CPLANE2: variants seen among roughly 807,000 people sequenced by gnomAD.
The protein encoded by CPLANE2 is ciliogenesis and planar polarity effector complex subunit 2, also known as ciliogenesis and planar polarity effector 2.
Under a neutral mutation model 20.9 loss-of-function variants are expected in CPLANE2, and 24 were observed. The ratio of observed to expected loss-of-function variants is 1.15; its 90% CI spans 0.83 to 1.61. The LOEUF (loss-of-function observed/expected upper bound fraction) is 1.61, where lower values mean the gene tolerates loss of function less well. Among genes scored for constraint, CPLANE2 ranks in the 40% most tolerant of loss-of-function variants. The pLI is 0.00. For synonymous variants in CPLANE2, 132 were observed against 144.3 expected, an observed-to-expected ratio of 0.92 and a Z score of 0.61; for missense variants, 330 against 355.1, an observed-to-expected ratio of 0.93 and a Z score of 0.57.
Position 16,233,501 on chromosome 1 carries a change from G to A in CPLANE2, c.265+111C>T, listed in dbSNP as rs1016968619. ...AAGGAGCCCATGTAGGCTCAGAGAC[G>A]TGAAGTGACTTTCCAAGGCTACAGA... On this transcript the variant is annotated intron_variant, in intron 2 of 4. Transcript: ENST00000375599. 111 of 1,300,864 alleles carry A rather than the reference G, an allele frequency of 8.5e-5. 1 individual carries two copies. The South Asian group carries it at 1.0e-3, about 12-fold the overall frequency. The allele number at this position is 1,300,864 out of a possible 1,614,324, so 80.6% of individuals were successfully genotyped here. A position where few individuals can be genotyped will look rare whatever the true frequency, so the allele number is the denominator to read the frequency against.
Position 16,232,975 on chromosome 1 carries a change from G to A in CPLANE2, c.308C>T (p.Ala103Val), listed in dbSNP as rs1404922058. ...ACGAAACATGACGACACGGCTGCTG[G>A]CCTGCAGCTTGGCTGGCCAAAATAC... is the stretch of plus-strand genomic sequence containing the variant. ...TVVFWPAKLQ[A>V]SSRVVMFRFE... is the part of the protein sequence containing the mutation. Residue 103 changes from alanine to valine, a missense_variant, in exon 3 of 5, where the codon GCC becomes GTC. Physicochemically the swap from Ala to Val is moderately conservative, Grantham distance 64. Coordinates refer to ENST00000375599, the MANE Select transcript of CPLANE2 (RefSeq NM_030907.4). 5 of 1,614,188 alleles carry A rather than the reference G, an allele frequency of 3.1e-6. No individual in the cohort carries two copies. The East Asian group carries it at 8.9e-5, about 29-fold the overall frequency.
chr1:16,234,983 C>G (rs2081453095), intron 1 of CPLANE2, among the ~76,000 whole-genome samples: 2 of 152,210 alleles, frequency 1.3e-5, no homozygotes, highest in African/African-American at 2.4e-5. Flanking sequence ...CTCAGCCTCC[C>G]AAAGTGCTGG....
chr1:16,235,800 C>G (rs1457411115), intron 1 of CPLANE2, among the ~76,000 whole-genome samples: 2 of 151,348 alleles, frequency 1.3e-5, no homozygotes, highest in Non-Finnish European at 2.9e-5. Flanking sequence ...CCTGCCTCAG[C>G]CTCCCAAGTA....
At chr1:16,235,573 C>T (rs547601802) in intron 1 of CPLANE2, among the ~76,000 whole-genome samples, 1 of 152,106 alleles carries the variant, frequency 6.6e-6, no homozygotes, top group African/African-American at 2.4e-5. Context: ...AGCCATACAG[C>T]TAGCAGTGGT....
chr1:16,235,681 T>C (rs2081459323), intron 1 of CPLANE2, among the ~76,000 whole-genome samples: 1 of 141,988 alleles, frequency 7.0e-6, no homozygotes, highest in South Asian at 2.2e-4. Context: ...GAGGGTCTTT[T>C]TTTTTTTTTT....
In CPLANE2 at chr1:16,232,217, C is replaced by G; in HGVS notation, c.608G>C (p.Arg203Pro). The G allele has an allele frequency of 6.2e-7, 1 of 1,612,424 alleles. No individual in the cohort carries two copies. Among genetic ancestry groups the G allele is most frequent in the Non-Finnish European group, 8.5e-7 (1 of 1,179,862 alleles). ...CCGCCGCCCCGGCACACTCTTCACC[C>G]GTAGCAGGGGCAGCTCCCAGGCCTG... is the stretch of plus-strand genomic sequence containing the variant. The part of the protein sequence containing the change: ...FRQAWELPLL[R>P]VKSVPGRRLA... Residue 203 changes from arginine to proline, a missense_variant, in exon 5 of 5, where the codon CGG becomes CCG. Coordinates refer to ENST00000375599, the MANE Select transcript of CPLANE2 (RefSeq NM_030907.4).
At position 16,233,029 on chromosome 1, in the gene CPLANE2, C is replaced by T; in HGVS notation, c.266-12G>A. 1 of 1,613,808 alleles carries T rather than the reference C, an allele frequency of 6.2e-7. No homozygotes were observed. The highest frequency in any genetic ancestry group is 8.5e-7 in the Non-Finnish European group (1 of 1,179,862). ...GGTGGTCTGGATGCCTGAGGGGGAG[C>T]CAGGGTCAGCCACTCACCATGGGAG... is the stretch of plus-strand genomic sequence containing the variant. On this transcript the variant is annotated splice_polypyrimidine_tract_variant and intron_variant, in intron 2 of 4. Coordinates refer to ENST00000375599, the MANE Select transcript of CPLANE2 (RefSeq NM_030907.4).
chr1:16,236,694 C>T lies in CPLANE2; in HGVS notation c.49G>A (p.Glu17Lys). 1 of 1,562,458 alleles carries T rather than the reference C, an allele frequency of 6.4e-7. No individual in the cohort carries two copies. Among genetic ancestry groups the T allele is most frequent in the Non-Finnish European group, 8.7e-7 (1 of 1,151,872 alleles). ...AGGTACTCCTTGCCCTCGGCACTCT[C>T]GTGCCAGTTTGGGACAACCACCGAA... ...PGSVVVPNWH[E>K]SAEGKEYLAC... is the part of the protein sequence containing the mutation. The change falls in exon 1 of 5, where the codon GAG becomes AAG. Residue 17 changes from glutamate (E) to lysine (K), a missense_variant. Coordinates refer to ENST00000375599, the MANE Select transcript of CPLANE2 (RefSeq NM_030907.4).
intron 2 of CPLANE2, 85 bp downstream of exon 2, chr1:16,233,527 G>A (rs1256521438): frequency 8.0e-6 from 12 of 1,500,598 alleles, no homozygotes; most frequent in East Asian, 2.3e-5. Context: ...AGGCTACAGA[G>A]TAAGAGGTGG....
At position 16,232,047 on chromosome 1, in the gene CPLANE2, C is replaced by T; in HGVS notation, c.*1G>A. On this transcript the variant is annotated 3_prime_UTR_variant, in exon 5 of 5. Transcript: ENST00000375599. Reference sequence around the variant, plus strand: ...TGGGATCACAGGCAACCACTCGTGACTCATTCAGGAGCACTCTCTGGGGGG... The same window carrying T: ...TGGGATCACAGGCAACCACTCGTGATTCATTCAGGAGCACTCTCTGGGGGG... 1.2e-6 allele frequency: 2 copies of T among 1,611,626 alleles called. No homozygotes were observed. Among genetic ancestry groups the T allele is most frequent in the African/African-American group, 1.3e-5 (1 of 75,028 alleles).
chr1:16,234,236 CA>C (rs199920096), intron 1 of CPLANE2, among the ~76,000 whole-genome samples: 1 of 150,720 alleles, frequency 6.6e-6, no homozygotes, highest in Non-Finnish European at 1.5e-5. Context: ...TCCATCTCTA[CA>C]AAAAAAAATA....
In CPLANE2 at chr1:16,231,832, C is replaced by A. The variant is rs147952902; in HGVS notation, c.*216G>T. ...GGTGCTGCCAAAGGGGGAAAGGCCA[C>A]GGGAGATGTTCGAGCTCAGGGCCTT... is the stretch of plus-strand genomic sequence containing the variant. On this transcript the variant is annotated 3_prime_UTR_variant, in exon 5 of 5. Transcript: ENST00000375599. The A allele has an allele frequency of 6.1e-5, 39 of 644,514 alleles. No homozygotes were observed. Among genetic ancestry groups the A allele is most frequent in the African/African-American group, 4.6e-4 (25 of 54,766 alleles). The allele number at this position is 644,514 out of a possible 1,614,324, so 39.9% of individuals were successfully genotyped here.
chr1:16,232,513 G>A lies in CPLANE2; in HGVS notation c.524C>T (p.Ser175Phe). The A allele has an allele frequency of 1.2e-6, 2 of 1,613,790 alleles. No homozygotes were observed. Among genetic ancestry groups the A allele is most frequent in the Non-Finnish European group, 1.7e-6 (2 of 1,179,836 alleles). The change falls in exon 4 of 5, where the codon TCC (serine) becomes TTC (phenylalanine). Residue 175 changes from serine to phenylalanine, a missense_variant. Coordinates refer to ENST00000375599, the MANE Select transcript of CPLANE2 (RefSeq NM_030907.4). ...GCCAAGGATATCCAAAGGATACTTG[G>A]AGCCGATGACCATCCTGACGACACC... ...APGVVRMVIG[S>F]KFDQYMHTDV...
rs939691432 is a variant in CPLANE2 at position 16,236,615 on chromosome 1, A to C, written c.112+16T>G. On this transcript the variant is annotated intron_variant, in intron 1 of 4. Transcript: ENST00000375599. ...AAAGACAAGTGGCGGGCTAGAGGAA[A>C]GGGGGAGGCACTTACCAAACACCCG... 2 of 1,537,202 alleles carry C rather than the reference A, an allele frequency of 1.3e-6. No homozygotes were observed. Among genetic ancestry groups the C allele is most frequent in the Non-Finnish European group, 1.8e-6 (2 of 1,133,500 alleles).
At chr1:16,234,505 G>T (rs1029634132) in intron 1 of CPLANE2, among the ~76,000 whole-genome samples, 2 of 152,162 alleles carry the variant, frequency 1.3e-5, no homozygotes. Flanking sequence ...CAGATCCTGG[G>T]CTGGACAGTC....
chr1:16,232,674 T>C, intron 3 of CPLANE2, 28 bp from the exon 4 acceptor site: 1 of 1,612,522 alleles, frequency 6.2e-7, no homozygotes, highest in Non-Finnish European at 8.5e-7. Context: ...TATAACCATG[T>C]CACCCCCCAT....
Position 16,232,042 on chromosome 1 carries a change from C to T in CPLANE2, c.*6G>A, listed in dbSNP as rs757589996. 7.4e-5 allele frequency: 120 copies of T among 1,610,788 alleles called. 1 individual carries two copies. The highest frequency in any genetic ancestry group is 3.0e-5 in the Non-Finnish European group (35 of 1,178,574). Reference sequence around the variant, plus strand: ...GGGGGTGGGATCACAGGCAACCACTCGTGACTCATTCAGGAGCACTCTCTG... The same window carrying T: ...GGGGGTGGGATCACAGGCAACCACTTGTGACTCATTCAGGAGCACTCTCTG... On this transcript the variant is annotated 3_prime_UTR_variant, in exon 5 of 5. Transcript: ENST00000375599.
At position 16,232,919 on chromosome 1, in the gene CPLANE2, G is replaced by A; in HGVS notation, c.364C>T (p.Leu122Phe). Residue 122 changes from leucine (L) to phenylalanine (F), a missense_variant, in exon 3 of 5, where the codon CTC becomes TTC. Leu to Phe is a conservative substitution (Grantham distance 22). Transcript: ENST00000375599. ...AGCAGCATATGATCGAACTTTTTGA[G>A]TGCAGACTCTCCACAGTCCCAGAAC... Reference protein sequence around the residue: ...FEFWDCGESALKKFDHMLLAC... With the variant: ...FEFWDCGESAFKKFDHMLLAC... The A allele has an allele frequency of 1.2e-6, 2 of 1,614,182 alleles. No homozygotes were observed. Among genetic ancestry groups the A allele is most frequent in the Non-Finnish European group, 1.7e-6 (2 of 1,180,036 alleles).
rs1289066461 is a variant in CPLANE2 at position 16,232,065 on chromosome 1, C to T, written c.760G>A (p.Glu254Lys). The change falls in exon 5 of 5, where the codon GAG (glutamate) becomes AAG (lysine). Residue 254 changes from glutamate (E) to lysine (K), a missense_variant. Coordinates refer to ENST00000375599, the MANE Select transcript of CPLANE2 (RefSeq NM_030907.4). ...VAAGLLPNPPESAPE is the reference protein window; with the variant it reads ...VAAGLLPNPPKSAPE ...CTCGTGACTCATTCAGGAGCACTCT[C>T]TGGGGGGTTGGGAAGCAGGCCAGCC... The T allele has an allele frequency of 1.2e-6, 2 of 1,613,018 alleles. No homozygotes were observed. Among genetic ancestry groups the T allele is most frequent in the Non-Finnish European group, 1.7e-6 (2 of 1,179,850 alleles).
Sources: allele counts gnomAD v4.1 joint callset (sites outside exome capture counted in the v4.1 genomes callset), GRCh38; gene constraint gnomAD v4.1.1; transcripts MANE v1.5; gene names NCBI Gene and HGNC (gene_info 2026-07-23, HGNC 2026-07-21).